ADAD1: variants seen among roughly 807,000 people sequenced by gnomAD.
ADAD1 encodes adenosine deaminase domain-containing protein 1.
In ADAD1, 46 loss-of-function variants were observed where a neutral mutation model predicts 66.8. That is an observed-to-expected ratio of 0.69 (90% CI 0.54 to 0.88). ADAD1 has a LOEUF of 0.88. Ranked by LOEUF, ADAD1 falls within the 40% of genes least tolerant of loss-of-function variation. The pLI is 0.00. For synonymous variants in ADAD1, 248 were observed against 229.4 expected, an observed-to-expected ratio of 1.08 and a Z score of -0.73; for missense variants, 617 against 681.8, an observed-to-expected ratio of 0.91 and a Z score of 1.06.
chr4:122,405,989 T>C (rs773469866), intron 7 of ADAD1, among the ~76,000 whole-genome samples: 26 of 152,314 alleles, frequency 1.7e-4, no homozygotes, highest in South Asian at 4.1e-4. Flanking sequence ...TATTGGGACA[T>C]GTAGGTTTTT....
chr4:122,415,628 T>G lies in ADAD1; in HGVS notation c.1487+12T>G, dbSNP rs977674427. On this transcript the variant is annotated intron_variant, in intron 11 of 12. Transcript: ENST00000296513. ...AAGATCACTGAAAGGTTAAAATTAC[T>G]AATTTCTTTAAACCATATATTACTT... is the stretch of plus-strand genomic sequence containing the variant. 2 of 1,601,266 alleles carry G rather than the reference T, an allele frequency of 1.2e-6. No individual in the cohort carries two copies. Among genetic ancestry groups the G allele is most frequent in the Non-Finnish European group, 1.7e-6 (2 of 1,169,062 alleles).
At chr4:122,407,783 A>T (rs1796283689) in intron 7 of ADAD1, 125 bp from the exon 8 acceptor site, 30 of 1,083,944 alleles carry the variant, frequency 2.8e-5, no homozygotes, top group Non-Finnish European at 3.6e-5. Context: ...AAATTGTGGA[A>T]TTATTTTTTC....
At chr4:122,402,319 G>A (rs576907383) in intron 7 of ADAD1, among the ~76,000 whole-genome samples, 2 of 152,224 alleles carry the variant, frequency 1.3e-5, no homozygotes, top group South Asian at 4.1e-4. Flanking sequence ...CTAAAGGTAA[G>A]ACCCCAATCC....
chr4:122,429,777 G>A lies in ADAD1; in HGVS notation c.*38G>A. 1.4e-6 allele frequency: 2 copies of A among 1,421,278 alleles called. No homozygotes were observed. Among genetic ancestry groups the A allele is most frequent in the Non-Finnish European group, 9.8e-7 (1 of 1,020,450 alleles). The allele number at this position is 1,421,278 out of a possible 1,614,324, so 88.0% of individuals were successfully genotyped here. A position where few individuals can be genotyped will look rare whatever the true frequency, so the allele number is the denominator to read the frequency against. On this transcript the variant is annotated 3_prime_UTR_variant, in exon 13 of 13. Transcript: ENST00000296513. ...ATTATCACATTAAAAATCTTGTTTT[G>A]TTTGGTGTGTTTTGACTAGTAAAAA...
chr4:122,385,468 TCAC>T (rs1795130226), intron 5 of ADAD1, among the ~76,000 whole-genome samples: 1 of 152,130 alleles, frequency 6.6e-6, no homozygotes. Context: ...AGATGGGGTT[TCAC>T]CATGTTGGCC....
intron 11 of ADAD1, among the ~76,000 whole-genome samples, chr4:122,417,970 T>C (rs1796819513): frequency 6.6e-6 from 1 of 152,072 alleles, no homozygotes; most frequent in South Asian, 2.1e-4. Flanking sequence ...TCAGAACTTG[T>C]AGGTTATACA....
chr4:122,388,047 C>T (rs965477063), intron 5 of ADAD1, among the ~76,000 whole-genome samples: 2 of 152,136 alleles, frequency 1.3e-5, no homozygotes, highest in Non-Finnish European at 2.9e-5. Context: ...GCATGAGCCA[C>T]TGCGCCCGGC....
At chr4:122,382,483 C>T (rs1277761034) in intron 4 of ADAD1, among the ~76,000 whole-genome samples, 1 of 152,044 alleles carries the variant, frequency 6.6e-6, no homozygotes, top group East Asian at 1.9e-4. Context: ...TAGATAGAGG[C>T]TCTCACTCTG....
At chr4:122,391,181 C>A (rs553312887) in intron 5 of ADAD1, among the ~76,000 whole-genome samples, 1 of 152,062 alleles carries the variant, frequency 6.6e-6, no homozygotes, top group South Asian at 2.1e-4. Flanking sequence ...GATTCTCTCC[C>A]GTGCCTGGAG....
intron 5 of ADAD1, 127 bp from the exon 6 acceptor site, chr4:122,393,462 G>T (rs1795550462): frequency 3.2e-6 from 2 of 627,048 alleles, no homozygotes; most frequent in Non-Finnish European, 5.2e-6. Flanking sequence ...GTATTTGATG[G>T]CCCAGAGTTG....
At chr4:122,410,645 C>T (rs572455423) in intron 8 of ADAD1, among the ~76,000 whole-genome samples, 20 of 152,132 alleles carry the variant, frequency 1.3e-4, no homozygotes, top group Non-Finnish European at 2.6e-4. Context: ...GTGTTAGGAG[C>T]ATTCCATTTC....
At chr4:122,402,541 C>T (rs1024781456) in intron 7 of ADAD1, among the ~76,000 whole-genome samples, 3 of 152,134 alleles carry the variant, frequency 2.0e-5, no homozygotes, top group African/African-American at 7.2e-5. Flanking sequence ...ATGTCTACAT[C>T]TCTAGCAAGG....
At chr4:122,381,483 A>G (rs1391927218) in intron 4 of ADAD1, among the ~76,000 whole-genome samples, 1 of 152,180 alleles carries the variant, frequency 6.6e-6, no homozygotes, top group African/African-American at 2.4e-5. Context: ...ATGCTTTTGT[A>G]AAGATGTTAA....
chr4:122,408,921 T>C (rs1404996534), intron 8 of ADAD1, among the ~76,000 whole-genome samples: 1 of 152,046 alleles, frequency 6.6e-6, no homozygotes, highest in Non-Finnish European at 1.5e-5. Context: ...TTTTGAAAGA[T>C]AAAAATAACA....
In ADAD1 at chr4:122,395,419, A is replaced by C. The variant is rs1795658710; in HGVS notation, c.599-833A>C. ...ATAATGAGGCCGGGCGCGGTGGCTCACGCCTATGATCCCAGCACTTTGTGA... is the reference window on the plus strand; with the variant it reads ...ATAATGAGGCCGGGCGCGGTGGCTCCCGCCTATGATCCCAGCACTTTGTGA... On this transcript the variant is annotated intron_variant, in intron 6 of 12. Transcript: ENST00000296513. Among the ~76,000 whole-genome samples the C allele has an allele frequency of 2.0e-5, 3 of 151,978 alleles. No homozygotes were observed. In the South Asian group the frequency reaches 6.2e-4, roughly 32 times the overall value.
rs1794842047 is a variant in ADAD1, at chr4:122,380,516, A to G, written c.172+275A>G. On this transcript the variant is annotated intron_variant, in intron 3 of 12. Coordinates refer to ENST00000296513, the MANE Select transcript of ADAD1 (RefSeq NM_139243.4). The stretch of plus-strand genomic sequence containing the variant: ...TCTGAGGTGAGGCGCAAGGGAAGAT[A>G]CTGGACTTACACTGGTCTGTATTCC... The G allele has an allele frequency of 7.0e-6, 3 of 428,944 alleles. No individual in the cohort carries two copies. The Admixed American group carries it at 1.2e-4, about 18-fold the overall frequency. The allele number at this position is 428,944 out of a possible 1,614,324, so 26.6% of individuals were successfully genotyped here. A position where few individuals can be genotyped will look rare whatever the true frequency, so the allele number is the denominator to read the frequency against.
rs1243295417 is a variant in ADAD1, at chr4:122,393,624, T to C, written c.565T>C (p.Ser189Pro). The C allele has an allele frequency of 6.2e-7, 1 of 1,603,532 alleles. No individual in the cohort carries two copies. Among genetic ancestry groups the C allele is most frequent in the Admixed American group, 1.7e-5 (1 of 58,472 alleles). The change falls in exon 6 of 13, where the codon TCT becomes CCT. Residue 189 changes from serine (S) to proline (P), a missense_variant. Coordinates refer to ENST00000296513, the MANE Select transcript of ADAD1 (RefSeq NM_139243.4). ...PPFPAEPVVLSELAYVSKVHY... is the reference protein window; with the variant it reads ...PPFPAEPVVLPELAYVSKVHY... ...TTTCCCTGCAGAACCTGTTGTTTTA[T>C]CTGAACTAGCATATGTTTCAAAAGT...
intron 11 of ADAD1, among the ~76,000 whole-genome samples, chr4:122,419,873 C>G (rs1414054616): frequency 6.6e-6 from 1 of 152,086 alleles, no homozygotes; most frequent in Non-Finnish European, 1.5e-5. Context: ...AAAGGAATAG[C>G]TAGGTAGTTT....
chr4:122,429,744 G>T lies in ADAD1; in HGVS notation c.*5G>T. 1 of 1,561,312 alleles carries T rather than the reference G, an allele frequency of 6.4e-7. No homozygotes were observed. The highest frequency in any genetic ancestry group is 1.7e-4 in the Middle Eastern group (1 of 5,856). On this transcript the variant is annotated 3_prime_UTR_variant, in exon 13 of 13. Transcript: ENST00000296513. Reference sequence around the variant, plus strand: ...ATAGAGCAATTTAACATGTGAAATAGGCAATCCATTATCACATTAAAAATC... The same window carrying T: ...ATAGAGCAATTTAACATGTGAAATATGCAATCCATTATCACATTAAAAATC...
Sources: allele counts gnomAD v4.1 joint callset (sites outside exome capture counted in the v4.1 genomes callset), GRCh38; gene constraint gnomAD v4.1.1; transcripts MANE v1.5; gene names NCBI Gene and HGNC (gene_info 2026-07-23, HGNC 2026-07-21).